The following CBLN2 variants were observed in gnomAD, a reference collection of about 807,000 sequenced individuals.
The protein encoded by CBLN2 is cerebellin-2.
CBLN2 carries 7 observed loss-of-function variants against 15.0 expected under a neutral mutation model. The observed-to-expected ratio is 0.47, with a 90% CI of 0.27 to 0.88. The LOEUF (loss-of-function observed/expected upper bound fraction) is 0.88, where lower values mean the gene tolerates loss of function less well. Among genes scored for constraint, CBLN2 ranks in the 40% least tolerant of loss-of-function variants. CBLN2 has a pLI of 0.14. For synonymous variants in CBLN2, 149 were observed against 135.2 expected (o/e 1.10, Z -0.71); for missense variants, 242 against 304.5 (o/e 0.79, Z 1.53).
At chr18:72,544,612 CAATAATAATAATAT>C (rs1350204971), upstream of CBLN2, 3 of 152,006 alleles carry the variant, frequency 2.0e-5, no homozygotes, top group Admixed American at 6.5e-5. Flanking sequence ...CTGACCTCTG[CAATAATAATAATAT>C]AATAATAATA....
At chr18:72,545,322 G>A (rs899605404), upstream of CBLN2, among the ~76,000 whole-genome samples, 20 of 152,230 alleles carry the variant, frequency 1.3e-4, no homozygotes, top group Non-Finnish European at 2.6e-4. Flanking sequence ...GTGTAAGGAT[G>A]TGATTAAAAG....
At chr18:72,567,020 G>A (rs1003630773) in intron 1 of CBLN2, among the ~76,000 whole-genome samples, 3 of 151,834 alleles carry the variant, frequency 2.0e-5, no homozygotes, top group South Asian at 2.1e-4. Flanking sequence ...ATGGAGTTTC[G>A]CCATGTTGTC....
At chr18:72,611,624 T>C (rs2069623175) in intron 1 of CBLN2, among the ~76,000 whole-genome samples, 1 of 152,232 alleles carries the variant, frequency 6.6e-6, no homozygotes. Context: ...TTAAGTTCCT[T>C]ATAGATTATG....
At chr18:72,582,297 C>T (rs770222423) in intron 1 of CBLN2, among the ~76,000 whole-genome samples, 1 of 152,106 alleles carries the variant, frequency 6.6e-6, no homozygotes, top group African/African-American at 2.4e-5. Context: ...CAGGCAGAAG[C>T]CTTTTAGTGT....
At chr18:72,609,426 A>G (rs1257349033) in intron 1 of CBLN2, among the ~76,000 whole-genome samples, 1 of 152,076 alleles carries the variant, frequency 6.6e-6, no homozygotes, top group Non-Finnish European at 1.5e-5. Flanking sequence ...ACACAAGAAG[A>G]AGATGGCCAT....
At chr18:72,636,959 C>T (rs780936112) in intron 1 of CBLN2, among the ~76,000 whole-genome samples, 2 of 134,532 alleles carry the variant, frequency 1.5e-5, no homozygotes, top group East Asian at 6.3e-4. Flanking sequence ...GCTCAATACA[C>T]ATGAAAAAAA....
chr18:72,558,956 G>A (rs1036386713), intron 1 of CBLN2, among the ~76,000 whole-genome samples: 6 of 152,288 alleles, frequency 3.9e-5, no homozygotes, highest in Admixed American at 3.3e-4. Flanking sequence ...TCTGGAGTCG[G>A]GGTGGGGAGA....
At position 72,574,726 on chromosome 18, in the gene CBLN2, A is replaced by G. The variant is rs2069353687; in HGVS notation, c.16-35954T>C. On this transcript the variant is annotated intron_variant, in intron 1 of 2. Transcript: ENST00000581073. ...AATTTTCTCAGTGAAAAGAAAATAG[A>G]GAACAAAAATGGGAAAGCGGTGCTG... Among the ~76,000 whole-genome samples the G allele has an allele frequency of 2.0e-5, 3 of 152,352 alleles. No homozygotes were observed. In the South Asian group the frequency reaches 6.2e-4, roughly 32 times the overall value.
chr18:72,547,062 T>A (rs559635897), upstream of CBLN2, among the ~76,000 whole-genome samples: 60 of 151,672 alleles, frequency 4.0e-4, 2 homozygotes, highest in South Asian at 0.012. Context: ...AGCAAAAATA[T>A]GGAATAAATC....
chr18:72,554,840 G>GA (rs1404772880), intron 1 of CBLN2, among the ~76,000 whole-genome samples: 4 of 151,908 alleles, frequency 2.6e-5, no homozygotes, highest in South Asian at 2.1e-4. Flanking sequence ...TGATTAAAAA[G>GA]AAAAAAAATT....
At chr18:72,575,143 G>C (rs997792251) in intron 1 of CBLN2, among the ~76,000 whole-genome samples, 1 of 152,192 alleles carries the variant, frequency 6.6e-6, no homozygotes, top group African/African-American at 2.4e-5. Context: ...CTGCTAAAGG[G>C]ATGGAGCTGA....
At chr18:72,547,375 G>A (rs1377892191), upstream of CBLN2, among the ~76,000 whole-genome samples, 1 of 152,084 alleles carries the variant, frequency 6.6e-6, no homozygotes, top group Non-Finnish European at 1.5e-5. Flanking sequence ...GGATGGTTGA[G>A]GATAAGAAAT....
chr18:72,560,211 C>T (rs1027589983), intron 1 of CBLN2, among the ~76,000 whole-genome samples: 1 of 152,168 alleles, frequency 6.6e-6, no homozygotes, highest in African/African-American at 2.4e-5. Context: ...AGGGAGGGCG[C>T]AGGATGGCTG....
intron 1 of CBLN2, among the ~76,000 whole-genome samples, chr18:72,601,458 T>C (rs2069547583): frequency 2.0e-5 from 3 of 151,954 alleles, no homozygotes; most frequent in Admixed American, 6.6e-5. Context: ...AAGAAGGAAA[T>C]AGATTCCCCT....
intron 1 of CBLN2, among the ~76,000 whole-genome samples, chr18:72,584,364 T>C (rs943302026): frequency 3.3e-5 from 5 of 151,662 alleles, no homozygotes; most frequent in African/African-American, 9.7e-5. Context: ...CAGGCTGGAG[T>C]GCAGTGGTGC....
chr18:72,550,532 G>A (rs184678376), intron 1 of CBLN2, among the ~76,000 whole-genome samples: 28 of 152,082 alleles, frequency 1.8e-4, no homozygotes, highest in Non-Finnish European at 3.1e-4. Context: ...CGGAGGCGGC[G>A]GAAAGAAAAG....
chr18:72,583,112 T>G (rs1302361759), intron 1 of CBLN2, among the ~76,000 whole-genome samples: 1 of 152,148 alleles, frequency 6.6e-6, no homozygotes. Context: ...GGGCAGGGAC[T>G]AGACCTGCCA....
intron 1 of CBLN2, among the ~76,000 whole-genome samples, chr18:72,549,360 C>A (rs1031587115): frequency 6.6e-6 from 1 of 152,178 alleles, no homozygotes; most frequent in African/African-American, 2.4e-5. Context: ...GGTCTATAGG[C>A]CACACATTGA....
intron 1 of CBLN2, among the ~76,000 whole-genome samples, chr18:72,565,959 A>C (rs1291417345): frequency 6.6e-6 from 1 of 152,202 alleles, no homozygotes; most frequent in East Asian, 1.9e-4. Flanking sequence ...AACTCAAATA[A>C]TTCAATAGTA....
Sources: gnomAD v4.1 joint callset for allele counts (sites outside exome capture counted in the v4.1 genomes callset) on GRCh38, gnomAD v4.1.1 for gene constraint, MANE v1.5 for transcripts, NCBI Gene and HGNC (gene_info 2026-07-23, HGNC 2026-07-21) for gene names.